The following CHD9 variants were observed in gnomAD, a reference collection of about 807,000 sequenced individuals.
CHD9 encodes chromodomain helicase DNA binding protein 9.
CHD9 carries 77 observed loss-of-function variants against 316.1 expected under a neutral mutation model. The ratio of observed to expected loss-of-function variants is 0.24; its 90% confidence interval spans 0.20 to 0.29. The LOEUF (loss-of-function observed/expected upper bound fraction) is 0.29. CHD9 is among the 10% of genes least tolerant of loss of function. CHD9 has a pLI of 1.00. For missense variants in CHD9, 2,763 were observed against 3,438.1 expected (o/e 0.80, Z 4.91); for synonymous variants, 1,129 against 1,158.3 (o/e 0.97, Z 0.51).
At chr16:53,229,449 A>G (rs182524657) in intron 8 of CHD9, among the ~76,000 whole-genome samples, 11 of 152,200 alleles carry the variant, frequency 7.2e-5, no homozygotes, top group African/African-American at 2.7e-4. Flanking sequence ...AAGATTTTTC[A>G]GTACATGAAA....
At chr16:53,209,428 A>G in intron 2 of CHD9, 54 bp from the exon 3 acceptor site, 2 of 1,180,988 alleles carry the variant, frequency 1.7e-6, no homozygotes, top group South Asian at 1.7e-5. Context: ...ATTTGTGACA[A>G]TTGTTTTAGA....
At chr16:53,146,685 G>A (rs1454259294) in intron 1 of CHD9, among the ~76,000 whole-genome samples, 3 of 150,750 alleles carry the variant, frequency 2.0e-5, no homozygotes, top group Non-Finnish European at 3.0e-5. Context: ...TGTAATCCCA[G>A]CTACTTGGGA....
At chr16:53,271,573 GA>G (rs892200713) in intron 22 of CHD9, among the ~76,000 whole-genome samples, 41 of 102,746 alleles carry the variant, frequency 4.0e-4, no homozygotes, top group African/African-American at 6.2e-4. Flanking sequence ...TGTCTCAGAA[GA>G]AAAAAAAAAA....
At chr16:53,128,514 T>C (rs1017173437) in intron 1 of CHD9, among the ~76,000 whole-genome samples, 2 of 152,130 alleles carry the variant, frequency 1.3e-5, no homozygotes, top group African/African-American at 4.8e-5. Flanking sequence ...TGGAGTGGGA[T>C]TGAGGGACCT....
chr16:53,276,241 C>G (rs2052805466), intron 24 of CHD9, among the ~76,000 whole-genome samples: 1 of 152,196 alleles, frequency 6.6e-6, no homozygotes, highest in Non-Finnish European at 1.5e-5. Context: ...TCAGGTTAAT[C>G]TCAGCTAGCC....
At chr16:53,182,715 G>A (rs1266622779) in intron 2 of CHD9, among the ~76,000 whole-genome samples, 1 of 152,058 alleles carries the variant, frequency 6.6e-6, no homozygotes, top group African/African-American at 2.4e-5. Flanking sequence ...ATAGGAATTT[G>A]AGCTAAAAGG....
intron 30 of CHD9, among the ~76,000 whole-genome samples, chr16:53,297,701 A>T (rs1379948361): frequency 6.6e-6 from 1 of 152,248 alleles, no homozygotes; most frequent in East Asian, 1.9e-4. Flanking sequence ...CATCCTGTCA[A>T]CAGTTCCTCT....
chr16:53,295,616 C>T (rs886629515), intron 29 of CHD9, among the ~76,000 whole-genome samples: 1 of 152,062 alleles, frequency 6.6e-6, no homozygotes, highest in African/African-American at 2.4e-5. Context: ...TTTTTTGTGT[C>T]CTGTGTAGTC....
intron 2 of CHD9, among the ~76,000 whole-genome samples, chr16:53,173,973 A>G (rs898018627): frequency 2.0e-5 from 3 of 152,092 alleles, no homozygotes; most frequent in African/African-American, 4.8e-5. Context: ...ACAGATTTGT[A>G]TTATGTTTCA....
chr16:53,145,772 A>T (rs2152720285), intron 1 of CHD9, among the ~76,000 whole-genome samples: 1 of 152,206 alleles, frequency 6.6e-6, no homozygotes, highest in Non-Finnish European at 1.5e-5. Context: ...CCTCTTTTAA[A>T]ATAGCTAAGT....
chr16:53,282,845 T>C (rs948112573), intron 24 of CHD9, among the ~76,000 whole-genome samples: 11 of 152,118 alleles, frequency 7.2e-5, no homozygotes, highest in Admixed American at 7.2e-4. Context: ...TCTTTTTACC[T>C]TTCTGCTTGC....
intron 4 of CHD9, among the ~76,000 whole-genome samples, chr16:53,225,108 C>G (rs541079548): frequency 6.6e-6 from 1 of 152,046 alleles, no homozygotes; most frequent in Admixed American, 6.6e-5. Context: ...GGGGCAGAGG[C>G]ATGACTGCAT....
At chr16:53,234,824 A>C (rs202239915) in intron 10 of CHD9, among the ~76,000 whole-genome samples, 1 of 150,714 alleles carries the variant, frequency 6.6e-6, no homozygotes, top group African/African-American at 2.4e-5. Flanking sequence ...AAAAAAAAAA[A>C]CAAAACCTAC....
chr16:53,250,333 TTTTG>T (rs972680345), intron 17 of CHD9: 31 of 338,928 alleles, frequency 9.1e-5, no homozygotes, highest in South Asian at 7.0e-4. Flanking sequence ...GTACAGTACT[TTTTG>T]TTTGTTTATT....
chr16:53,163,113 T>C (rs989366188), intron 2 of CHD9, among the ~76,000 whole-genome samples: 1 of 152,308 alleles, frequency 6.6e-6, no homozygotes, highest in Non-Finnish European at 1.5e-5. Flanking sequence ...GTTTGTAATA[T>C]TATTACCAAA....
chr16:53,060,920 CTTTTTTTTTTTTT>C (rs549828992), intron 1 of CHD9, among the ~76,000 whole-genome samples: 1 of 99,414 alleles, frequency 1.0e-5, no homozygotes, highest in African/African-American at 4.0e-5. Flanking sequence ...GATGTTGTCT[CTTTTTTTTTTTTT>C]TTTTTTTTTT....
intron 22 of CHD9, 67 bp downstream of exon 22, chr16:53,268,193 C>G (rs916549617): frequency 1.9e-6 from 2 of 1,066,752 alleles, no homozygotes; most frequent in Non-Finnish European, 2.7e-6. Flanking sequence ...TTAACATATT[C>G]TCCTATAAAA....
intron 1 of CHD9, among the ~76,000 whole-genome samples, chr16:53,092,001 C>A (rs959449893): frequency 3.3e-5 from 5 of 152,220 alleles, no homozygotes; most frequent in Non-Finnish European, 7.3e-5. Context: ...TTGAGTCTGT[C>A]CCCTGACTCA....
At chr16:53,107,521 A>G (rs1453270823) in intron 1 of CHD9, among the ~76,000 whole-genome samples, 67 of 150,642 alleles carry the variant, frequency 4.4e-4, no homozygotes, top group African/African-American at 1.5e-3. Context: ...AATATAAAAT[A>G]AAATTAAAAA....
Sources: allele counts gnomAD v4.1 joint callset (sites outside exome capture counted in the v4.1 genomes callset), GRCh38; gene constraint gnomAD v4.1.1; transcripts MANE v1.5; gene names NCBI Gene and HGNC (gene_info 2026-07-23, HGNC 2026-07-21).